Variants in CRYBB3 observed in about 807,000 individuals in gnomAD.
The protein encoded by CRYBB3 is crystallin beta B3.
CRYBB3 carries 35 observed loss-of-function variants against 28.3 expected under a neutral mutation model. The ratio of observed to expected loss-of-function variants is 1.24; its 90% CI spans 0.95 to 1.64. The LOEUF (loss-of-function observed/expected upper bound fraction) is 1.64. Among genes scored for constraint, CRYBB3 ranks in the 40% most tolerant of loss-of-function variants. The probability of loss-of-function intolerance (pLI) is 0.00; values close to 1 mark genes in which losing one functional copy is unlikely to be tolerated. For missense variants in CRYBB3, 296 were observed against 297.4 expected, an observed-to-expected ratio of 1.00 and a Z score of 0.04; for synonymous variants, 106 against 110.4, an observed-to-expected ratio of 0.96 and a Z score of 0.25.
intron 1 of CRYBB3, 113 bp from the exon 2 acceptor site, chr22:25,201,264 T>C (rs1203239034): frequency 1.9e-6 from 3 of 1,563,072 alleles, no homozygotes; most frequent in Non-Finnish European, 2.6e-6. Context: ...GATCATAAGT[T>C]ACAGCCACGC....
In CRYBB3 at chr22:25,201,723, A is replaced by G. The variant is rs549370220; in HGVS notation, c.75+252A>G. Among the ~76,000 whole-genome samples the G allele has an allele frequency of 2.2e-4, 30 of 135,346 alleles. No individual in the cohort carries two copies. In the East Asian group the frequency reaches 6.7e-3, roughly 30 times the overall value. The allele number at this position is 135,346 out of a possible 152,430, so 88.8% of individuals were successfully genotyped here. A position where few individuals can be genotyped will look rare whatever the true frequency, so the allele number is the denominator to read the frequency against. On this transcript the variant is annotated intron_variant, in intron 2 of 5. Transcript: ENST00000215855. Reference sequence around the variant, plus strand: ...TCCTGCCTGCACCAATGGATCAGAGAGGCCCGGGGGTTTCTGGAAACGGCT... The same window carrying G: ...TCCTGCCTGCACCAATGGATCAGAGGGGCCCGGGGGTTTCTGGAAACGGCT...
rs769430179 is a variant in CRYBB3, at chr22:25,205,343, G to T, written c.451G>T (p.Val151Phe). 1 of 1,614,022 alleles carries T rather than the reference G, an allele frequency of 6.2e-7. No individual in the cohort carries two copies. The highest frequency in any genetic ancestry group is 1.3e-5 in the African/African-American group (1 of 74,914). ...AHGFQDRVAS[V>F]RAINGTWVGY... ...TGGCTTCCAGGACCGTGTGGCGAGT[G>T]TCCGTGCCATCAACGGGACGTAAGG... Residue 151 changes from valine to phenylalanine, a missense_variant, in exon 5 of 6, where the codon GTC (valine) becomes TTC (phenylalanine). By Grantham distance (50) the Val-to-Phe change is conservative. Coordinates refer to ENST00000215855, the MANE Select transcript of CRYBB3 (RefSeq NM_004076.5).
In CRYBB3 at chr22:25,205,296, A is replaced by G; in HGVS notation, c.404A>G (p.Asp135Gly). The change falls in exon 5 of 6, where the codon GAC (aspartate) becomes GGC (glycine). Residue 135 changes from aspartate to glycine, a missense_variant. Asp to Gly is a moderately conservative substitution (Grantham distance 94). Coordinates refer to ENST00000215855, the MANE Select transcript of CRYBB3 (RefSeq NM_004076.5). ...CGCAAGATGGAGATAGTGGATGATG[A>G]CGTGCCCAGCCTGTGGGCTCATGGC... ...SGRKMEIVDD[D>G]VPSLWAHGFQ... is the part of the protein sequence containing the mutation. The G allele has an allele frequency of 6.2e-7, 1 of 1,614,070 alleles. No individual in the cohort carries two copies. The highest frequency in any genetic ancestry group is 8.5e-7 in the Non-Finnish European group (1 of 1,180,004).
At chr22:25,206,703 G>T (rs557823381) in intron 5 of CRYBB3, among the ~76,000 whole-genome samples, 1 of 152,168 alleles carries the variant, frequency 6.6e-6, no homozygotes, top group South Asian at 2.1e-4. Context: ...TCTAAATTGA[G>T]CTGTAATGGA....
At position 25,207,234 on chromosome 22, in the gene CRYBB3, C is replaced by T; in HGVS notation, c.*22C>T. The T allele has an allele frequency of 6.2e-7, 1 of 1,606,410 alleles. No individual in the cohort carries two copies. Among genetic ancestry groups the T allele is most frequent in the Non-Finnish European group, 8.5e-7 (1 of 1,176,404 alleles). On this transcript the variant is annotated 3_prime_UTR_variant, in exon 6 of 6. Transcript: ENST00000215855. ...CTGAAAGGCACCCAGACTTCAAGGA[C>T]CCAGACCCACCCTGGGGGGCTGCAA...
At chr22:25,200,105 C>T (rs1934916447) in intron 1 of CRYBB3, among the ~76,000 whole-genome samples, 196 bp downstream of exon 1, 1 of 152,116 alleles carries the variant, frequency 6.6e-6, no homozygotes, top group Non-Finnish European at 1.5e-5. Flanking sequence ...CTGCAGTGGC[C>T]AGGGTCCAAG....
rs769870065 is a variant in CRYBB3, at chr22:25,207,155, T to C, written c.579T>C (p.Ser193=). The part of the protein sequence containing the change: ...EWDASQPQLQ[S]VRRIRDQKWH... ...ACGCCAGCCAGCCGCAGCTGCAGTC[T>C]GTGCGCCGCATCCGTGACCAGAAGT... The change falls in exon 6 of 6, where the codon TCT becomes TCC. Residue 193 remains serine, a synonymous_variant. Transcript: ENST00000215855. 6.2e-7 allele frequency: 1 copy of C among 1,613,730 alleles called. No homozygotes were observed. The highest frequency in any genetic ancestry group is 8.5e-7 in the Non-Finnish European group (1 of 1,180,024).
chr22:25,203,290 G>T (rs1934978647), intron 3 of CRYBB3, among the ~76,000 whole-genome samples: 1 of 152,202 alleles, frequency 6.6e-6, no homozygotes, highest in Admixed American at 6.5e-5. Flanking sequence ...CCATCTGGGT[G>T]ATCTTCGGCA....
chr22:25,202,314 A>T (rs1934960864), intron 2 of CRYBB3, among the ~76,000 whole-genome samples: 1 of 152,058 alleles, frequency 6.6e-6, no homozygotes, highest in East Asian at 1.9e-4. Flanking sequence ...TTTCCTATTA[A>T]GGAAAATACA....
At position 25,202,714 on chromosome 22, in the gene CRYBB3, G is replaced by T. The variant is rs1232309133; in HGVS notation, c.116G>T (p.Cys39Phe). Reference protein sequence around the residue: ...YELENFQGKRCELSAECPSLT... With the variant: ...YELENFQGKRFELSAECPSLT... ...CTAGAGAACTTCCAAGGCAAACGCT[G>T]CGAGCTCTCGGCCGAGTGCCCCAGC... Residue 39 changes from cysteine (C) to phenylalanine (F), a missense_variant, in exon 3 of 6, where the codon TGC becomes TTC. Cys to Phe is a radical substitution (Grantham distance 205, BLOSUM62 -2). Transcript: ENST00000215855. 1.7e-5 allele frequency: 27 copies of T among 1,614,098 alleles called. No homozygotes were observed. Among genetic ancestry groups the T allele is most frequent in the Non-Finnish European group, 2.3e-5 (27 of 1,180,008 alleles).
chr22:25,206,839 G>A (rs375740440), intron 5 of CRYBB3, among the ~76,000 whole-genome samples: 18 of 152,142 alleles, frequency 1.2e-4, no homozygotes, highest in Non-Finnish European at 2.5e-4. Flanking sequence ...GAGAGGCCAC[G>A]GTGTTGAGTG....
Sources: gnomAD v4.1 joint callset for allele counts (sites outside exome capture counted in the v4.1 genomes callset) on GRCh38, gnomAD v4.1.1 for gene constraint, MANE v1.5 for transcripts, NCBI Gene and HGNC (gene_info 2026-07-23, HGNC 2026-07-21) for gene names.